The following TRIM33 variants were observed in gnomAD, a reference collection of about 807,000 sequenced individuals.
TRIM33 encodes the protein tripartite motif containing 33.
A neutral mutation model predicts 125.4 loss-of-function variants in TRIM33; 20 were observed. The observed-to-expected ratio is 0.16, with a 90% CI of 0.11 to 0.23. The LOEUF (loss-of-function observed/expected upper bound fraction) is 0.23, where lower values mean the gene tolerates loss of function less well. TRIM33 is among the 10% of genes least tolerant of loss of function. The probability of loss-of-function intolerance (pLI) is 1.00; values close to 1 mark genes in which losing one functional copy is unlikely to be tolerated. For missense variants in TRIM33, 920 were observed against 1,411.4 expected, an observed-to-expected ratio of 0.65 and a Z score of 5.58; for synonymous variants, 564 against 513.9, an observed-to-expected ratio of 1.10 and a Z score of -1.32.
In TRIM33 at chr1:114,463,506, T is replaced by C. The variant is rs1463783086; in HGVS notation, c.696A>G (p.Glu232=). ...ATGTCTTACATAGCCACTCTCCACATTCTACACAAAAGCCAACTGCACTTG... is the reference window on the plus strand; with the variant it reads ...ATGTCTTACATAGCCACTCTCCACACTCTACACAAAAGCCAACTGCACTTG... ...DNASAVGFCV[E]CGEWLCKTCI... is the part of the protein sequence containing the mutation. Residue 232 remains glutamate (E), a synonymous_variant, in exon 3 of 20, where the codon GAA becomes GAG. Transcript: ENST00000358465. 3.7e-6 allele frequency: 6 copies of C among 1,612,056 alleles called. No individual in the cohort carries two copies. Among genetic ancestry groups the C allele is most frequent in the Non-Finnish European group, 4.2e-6 (5 of 1,178,534 alleles).
intron 11 of TRIM33, among the ~76,000 whole-genome samples, chr1:114,417,540 T>C (rs1161313786): frequency 3.3e-5 from 5 of 152,202 alleles, no homozygotes; most frequent in Admixed American, 1.3e-4. Context: ...ATACCATGTG[T>C]TTCCAGGCCT....
chr1:114,481,639 ATGTGTG>A (rs535478935), intron 1 of TRIM33, among the ~76,000 whole-genome samples: 25 of 142,338 alleles, frequency 1.8e-4, no homozygotes, highest in African/African-American at 5.0e-4. Context: ...CTATATATAT[ATGTGTG>A]TGTGTGTGTG....
intron 1 of TRIM33, among the ~76,000 whole-genome samples, chr1:114,486,045 C>T (rs1227960839): frequency 3.3e-5 from 5 of 152,134 alleles, no homozygotes; most frequent in African/African-American, 2.4e-5. Context: ...GAAGCTGAGG[C>T]AGGCAGATCA....
intron 4 of TRIM33, among the ~76,000 whole-genome samples, chr1:114,442,114 A>G (rs1246334114): frequency 2.0e-5 from 3 of 152,212 alleles, no homozygotes; most frequent in African/African-American, 7.2e-5. Flanking sequence ...ATTATTGTAT[A>G]GCTATCACCT....
At chr1:114,471,944 A>C (rs574805908) in intron 1 of TRIM33, among the ~76,000 whole-genome samples, 1 of 152,352 alleles carries the variant, frequency 6.6e-6, no homozygotes, top group East Asian at 1.9e-4. Flanking sequence ...TTAGTGAAAA[A>C]AACCTGACCT....
chr1:114,505,137 C>T (rs1652918683), intron 1 of TRIM33, among the ~76,000 whole-genome samples: 1 of 152,090 alleles, frequency 6.6e-6, no homozygotes, highest in South Asian at 2.1e-4. Flanking sequence ...CATGGTCATT[C>T]CAGTAGTAAA....
rs1213885643 is a variant in TRIM33 at position 114,392,943 on chromosome 1, GA to G, written c.*4704del. The G allele has an allele frequency of 5.0e-6, 1 of 198,412 alleles. No individual in the cohort carries two copies. Among genetic ancestry groups the G allele is most frequent in the Non-Finnish European group, 1.0e-5 (1 of 95,934 alleles). The allele number at this position is 198,412 out of a possible 1,614,324, so 12.3% of individuals were successfully genotyped here. On this transcript the variant is annotated 3_prime_UTR_variant, in exon 20 of 20. Transcript: ENST00000358465. ...CTAATGTATTAAATAACCATGAAAA[GA>G]AAAAACTTGCTTTTATTACACACCA...
intron 1 of TRIM33, among the ~76,000 whole-genome samples, chr1:114,495,303 C>A (rs1175595084): frequency 6.6e-6 from 1 of 152,072 alleles, no homozygotes; most frequent in Non-Finnish European, 1.5e-5. Context: ...TTCCTGAAGG[C>A]ATCTGAGTTT....
intron 1 of TRIM33, among the ~76,000 whole-genome samples, chr1:114,506,360 G>T (rs1316784738): frequency 2.0e-5 from 3 of 146,764 alleles, no homozygotes; most frequent in South Asian, 2.2e-4. Context: ...TCCAGCCTGG[G>T]TGACAAGAGT....
rs2101138862 is a variant in TRIM33, at chr1:114,420,276, T to C, written c.2061+1160A>G. On this transcript the variant is annotated intron_variant, in intron 11 of 19. Transcript: ENST00000358465. Reference sequence around the variant, plus strand: ...GTTCTCCATCATTTCCCCCTCTCAGTATAAGCCTCAAAGTGTCTACTATCT... The same window carrying C: ...GTTCTCCATCATTTCCCCCTCTCAGCATAAGCCTCAAAGTGTCTACTATCT... 7.4e-6 allele frequency: 4 copies of C among 538,846 alleles called. 1 individual carries two copies. Among genetic ancestry groups the C allele is most frequent in the East Asian group, 5.5e-5 (1 of 18,284 alleles). 33.4% of individuals were successfully genotyped at this position (538,846 alleles called of 1,614,324 possible).
At chr1:114,406,893 A>C (rs1014870145) in intron 14 of TRIM33, 48 bp downstream of exon 14, 15 of 1,571,568 alleles carry the variant, frequency 9.5e-6, no homozygotes, top group Admixed American at 3.5e-5. Flanking sequence ...TGAAAGAATC[A>C]ATGAAGTGAT....
rs372542680 is a variant in TRIM33 at position 114,419,595 on chromosome 1, T to A, written c.2061+1841A>T. 2.4e-4 allele frequency among the ~76,000 whole-genome samples: 36 copies of A among 152,320 alleles called. No homozygotes were observed. The East Asian group carries it at 6.2e-3, about 26-fold the overall frequency. ...CATTCTGTATGGTCCAGTCCTCTCA[T>A]CACCAATAAAACTACCATTCCCTCA... On this transcript the variant is annotated intron_variant, in intron 11 of 19. Transcript: ENST00000358465.
chr1:114,424,154 AAAT>A (rs959862236), intron 10 of TRIM33, among the ~76,000 whole-genome samples: 10 of 152,052 alleles, frequency 6.6e-5, no homozygotes, highest in Non-Finnish European at 1.3e-4. Flanking sequence ...AGGTAAAAAA[AAAT>A]AATAATAATA....
At position 114,447,941 on chromosome 1, in the gene TRIM33, G is replaced by A. The variant is rs185898305; in HGVS notation, c.924-14208C>T. On this transcript the variant is annotated intron_variant, in intron 4 of 19. Coordinates refer to ENST00000358465, the MANE Select transcript of TRIM33 (RefSeq NM_015906.4). ...AGTCAAAAGCATGTAAATTTACACAGAATGGGACAGGAGGAATTAGAGACC... is the reference window on the plus strand; with the variant it reads ...AGTCAAAAGCATGTAAATTTACACAAAATGGGACAGGAGGAATTAGAGACC... 6.2e-4 allele frequency among the ~76,000 whole-genome samples: 95 copies of A among 152,328 alleles called. No individual in the cohort carries two copies. The East Asian group carries it at 0.016, about 25-fold the overall frequency.
chr1:114,410,690 T>G (rs1343372367), intron 11 of TRIM33, among the ~76,000 whole-genome samples: 2 of 152,086 alleles, frequency 1.3e-5, no homozygotes, highest in Non-Finnish European at 2.9e-5. Context: ...AATAGAAATG[T>G]AATTATGTTA....
Position 114,424,673 on chromosome 1 carries a change from G to A in TRIM33, c.1778C>T (p.Ala593Val). The part of the protein sequence containing the change: ...GAFQAHQMRL[A>V]QNAARIPGIP... ...CCCTGGTATTCTGGCAGCATTCTGAGCCAGTCTCATCTGATGGGCTTGAAA... is the reference window on the plus strand; with the variant it reads ...CCCTGGTATTCTGGCAGCATTCTGAACCAGTCTCATCTGATGGGCTTGAAA... The change falls in exon 10 of 20, where the codon GCT becomes GTT. Residue 593 changes from alanine (A) to valine (V), a missense_variant. By Grantham distance (64) the Ala-to-Val change is moderately conservative. Coordinates refer to ENST00000358465, the MANE Select transcript of TRIM33 (RefSeq NM_015906.4). The A allele has an allele frequency of 6.2e-7, 1 of 1,612,024 alleles. No homozygotes were observed. The highest frequency in any genetic ancestry group is 8.5e-7 in the Non-Finnish European group (1 of 1,178,842).
At chr1:114,487,511 T>C (rs956690591) in intron 1 of TRIM33, among the ~76,000 whole-genome samples, 32 of 151,844 alleles carry the variant, frequency 2.1e-4, no homozygotes, top group Non-Finnish European at 3.7e-4. Flanking sequence ...CCTAAAAGCA[T>C]GTATGGTTAA....
intron 1 of TRIM33, among the ~76,000 whole-genome samples, chr1:114,495,040 G>C (rs1018093725): frequency 7.9e-5 from 12 of 151,912 alleles, no homozygotes; most frequent in African/African-American, 2.9e-4. Flanking sequence ...CAGCCTCCCG[G>C]GTAGCTGGGA....
chr1:114,431,545 G>A (rs747242003), intron 5 of TRIM33, among the ~76,000 whole-genome samples: 1 of 152,210 alleles, frequency 6.6e-6, no homozygotes, highest in African/African-American at 2.4e-5. Context: ...CAAATATGAA[G>A]TGGCTGATAC....
Sources: gnomAD v4.1 joint callset for allele counts (sites outside exome capture counted in the v4.1 genomes callset) on GRCh38, gnomAD v4.1.1 for gene constraint, MANE v1.5 for transcripts, NCBI Gene and HGNC (gene_info 2026-07-23, HGNC 2026-07-21) for gene names.